The following LTBP2 variants were observed in gnomAD, a reference collection of about 807,000 sequenced individuals.
LTBP2 encodes the protein latent-transforming growth factor beta-binding protein 2.
LTBP2 carries 103 observed loss-of-function variants against 210.6 expected under a neutral mutation model. That is an observed-to-expected ratio of 0.49 (90% CI 0.42 to 0.58). LTBP2 has a LOEUF of 0.58. Ranked by LOEUF, LTBP2 falls within the 20% of genes least tolerant of loss-of-function variation. LTBP2 has a pLI of 0.00. For missense variants in LTBP2, 2,313 were observed against 2,494.5 expected, an observed-to-expected ratio of 0.93 and a Z score of 1.55; for synonymous variants, 1,007 against 1,015.0, an observed-to-expected ratio of 0.99 and a Z score of 0.15.
At chr14:74,507,355 T>C in intron 25 of LTBP2, 45 bp from the exon 26 acceptor site, 1 of 1,612,960 alleles carries the variant, frequency 6.2e-7, no homozygotes. Context: ...GGTGGCCAGG[T>C]CACTGCTGTG....
At chr14:74,501,307 G>T in intron 35 of LTBP2, 134 bp downstream of exon 35, 4 of 1,387,030 alleles carry the variant, frequency 2.9e-6, no homozygotes, top group South Asian at 1.2e-5. Context: ...CCTTCCTTTG[G>T]CGCTTTCTTC....
At chr14:74,508,141 C>T (rs2087015593) in intron 24 of LTBP2, 46 bp from the exon 25 acceptor site, 2 of 1,610,680 alleles carry the variant, frequency 1.2e-6, no homozygotes, top group Non-Finnish European at 8.5e-7. Flanking sequence ...GGGTCCCTTC[C>T]CTGTTAGGGT....
At chr14:74,543,553 C>T (rs10139847) in intron 8 of LTBP2, among the ~76,000 whole-genome samples, 3,470 of 140,700 alleles carry the variant, frequency 0.025, 98 homozygotes, top group South Asian at 0.088. Flanking sequence ...TCCCTCCCTC[C>T]CTTCCTTCCT....
At chr14:74,525,685 A>G (rs2087263056) in intron 14 of LTBP2, among the ~76,000 whole-genome samples, 1 of 152,194 alleles carries the variant, frequency 6.6e-6, no homozygotes, top group South Asian at 2.1e-4. Flanking sequence ...TCAGCCTTCC[A>G]ATGTCTGAAC....
At chr14:74,583,094 C>A (rs1304141107) in intron 3 of LTBP2, among the ~76,000 whole-genome samples, 1 of 152,218 alleles carries the variant, frequency 6.6e-6, no homozygotes, top group Admixed American at 6.5e-5. Flanking sequence ...CTGTAGGGCA[C>A]CCTGCCTGCT....
At chr14:74,543,183 C>T (rs2087531690) in intron 8 of LTBP2, among the ~76,000 whole-genome samples, 1 of 151,664 alleles carries the variant, frequency 6.6e-6, no homozygotes, top group Non-Finnish European at 1.5e-5. Context: ...TTGAGACCAT[C>T]CCAGCTAACA....
chr14:74,549,310 CTGAA>C (rs3080625), intron 8 of LTBP2, among the ~76,000 whole-genome samples: 127,421 of 151,624 alleles, frequency 0.84, 56,178 homozygotes, highest in Non-Finnish European at 0.99. Flanking sequence ...TGAGTATTTG[CTGAA>C]TGAATGAATG....
At chr14:74,528,373 CCA>C (rs1272894353) in intron 12 of LTBP2, 108 bp downstream of exon 12, 6 of 1,265,874 alleles carry the variant, frequency 4.7e-6, no homozygotes, top group Non-Finnish European at 5.7e-6. Context: ...TTTCCTAATG[CCA>C]CAGAGATGGG....
At chr14:74,510,241 G>A in intron 19 of LTBP2, 28 bp from the exon 20 acceptor site, 2 of 1,611,368 alleles carry the variant, frequency 1.2e-6, no homozygotes, top group South Asian at 2.2e-5. Flanking sequence ...AAGACGGTGG[G>A]CTGGCCTCCT....
At chr14:74,510,575 C>G (rs1037078668) in intron 19 of LTBP2, among the ~76,000 whole-genome samples, 2 of 152,244 alleles carry the variant, frequency 1.3e-5, no homozygotes, top group Admixed American at 1.3e-4. Flanking sequence ...GACCTCCTAC[C>G]GGCCAACCAA....
intron 14 of LTBP2, among the ~76,000 whole-genome samples, chr14:74,525,527 C>G (rs2087261468): frequency 6.6e-6 from 1 of 152,228 alleles, no homozygotes; most frequent in African/African-American, 2.4e-5. Flanking sequence ...CCTGGGTTTC[C>G]TAATTCCCAC....
Position 74,502,686 on chromosome 14 carries a change from C to T in LTBP2, c.5137G>A (p.Glu1713Lys), listed in dbSNP as rs1314305975. The T allele has an allele frequency of 4.3e-6, 7 of 1,614,184 alleles. No homozygotes were observed. The highest frequency in any genetic ancestry group is 5.1e-6 in the Non-Finnish European group (6 of 1,180,034). Reference protein sequence around the residue: ...PILESPLQPSELQPHYVASHP... With the variant: ...PILESPLQPSKLQPHYVASHP... ...CTGGCCACGTAGTGGGGCTGGAGTTCTGAGGGCTGCAAAGGAGACTCAAGG... is the reference window on the plus strand; with the variant it reads ...CTGGCCACGTAGTGGGGCTGGAGTTTTGAGGGCTGCAAAGGAGACTCAAGG... Residue 1713 changes from glutamate (E) to lysine (K), a missense_variant, in exon 34 of 36, where the codon GAA becomes AAA. This residue lies in a region of LTBP2 where 443 missense variants were observed against 501.4 expected (regional missense o/e 0.88). Coordinates refer to ENST00000261978, the MANE Select transcript of LTBP2 (RefSeq NM_000428.3).
intron 3 of LTBP2, among the ~76,000 whole-genome samples, chr14:74,566,354 G>A (rs956753497): frequency 6.6e-6 from 1 of 152,184 alleles, no homozygotes; most frequent in African/African-American, 2.4e-5. Context: ...AAGGATCTAG[G>A]AGAAAGCTCC....
intron 18 of LTBP2, among the ~76,000 whole-genome samples, chr14:74,512,083 G>A (rs1486392938): frequency 1.3e-5 from 2 of 152,192 alleles, no homozygotes; most frequent in Non-Finnish European, 2.9e-5. Flanking sequence ...GCAACAGGAA[G>A]AGGAGGGAGC....
In LTBP2 at chr14:74,586,102, CG is replaced by C; in HGVS notation, c.581del (p.Pro194ArgfsTer86). ...GGCTGCAGGAGCCCCGGTTCTGGCA[CG>C]GCGGCTCGCAAACGGCTGAGGACAC... ...NHCIKPVCEP[P>X]CQNRGSCSRP... On this transcript the variant is annotated frameshift_variant, in exon 3 of 36. Transcript: ENST00000261978. LOFTEE classifies it high-confidence loss of function. The surrounding 1 kb of genome is among the most constrained non-coding windows in gnomAD (Gnocchi z 4.6). 1 of 1,596,556 alleles carries C rather than the reference CG, an allele frequency of 6.3e-7. No individual in the cohort carries two copies. The highest frequency in any genetic ancestry group is 8.5e-7 in the Non-Finnish European group (1 of 1,172,212).
At chr14:74,572,138 A>G (rs10150950) in intron 3 of LTBP2, among the ~76,000 whole-genome samples, 82,742 of 152,014 alleles carry the variant, frequency 0.54, 23,197 homozygotes, top group African/African-American at 0.61. Context: ...CAGACAGACG[A>G]ATACACCCCT....
Position 74,510,222 on chromosome 14 carries a change from G to A in LTBP2, c.3029-9C>T, listed in dbSNP as rs775751236. ...CAGACACTCATTCACATCTGTGGGA[G>A]AGAAGTCCAAGACGGTGGGCTGGCC... On this transcript the variant is annotated splice_polypyrimidine_tract_variant and intron_variant, in intron 19 of 35. Transcript: ENST00000261978. 6.2e-7 allele frequency: 1 copy of A among 1,613,286 alleles called. No homozygotes were observed. The highest frequency in any genetic ancestry group is 8.5e-7 in the Non-Finnish European group (1 of 1,179,984).
chr14:74,606,961 G>A lies in LTBP2; in HGVS notation c.495-3256C>T, dbSNP rs140751703. ...TACTGCCTGTCTCAGGTCATTGGTT[G>A]TATCTCAGTCTTGGGTATCTAGAGG... On this transcript the variant is annotated intron_variant, in intron 1 of 35. Coordinates refer to ENST00000261978, the MANE Select transcript of LTBP2 (RefSeq NM_000428.3). Among the ~76,000 whole-genome samples the A allele has an allele frequency of 2.0e-5, 3 of 152,010 alleles. No individual in the cohort carries two copies. The South Asian group carries it at 6.2e-4, about 32-fold the overall frequency.
chr14:74,536,422 C>T (rs529496008), intron 8 of LTBP2, among the ~76,000 whole-genome samples: 5 of 152,200 alleles, frequency 3.3e-5, no homozygotes, highest in Non-Finnish European at 1.5e-5. Flanking sequence ...TGGTTAATAA[C>T]AGTGTCTTGT....
Sources: allele counts gnomAD v4.1 joint callset (sites outside exome capture counted in the v4.1 genomes callset), GRCh38; gene constraint gnomAD v4.1.1; regional missense constraint gnomAD v4.1.1; non-coding constraint Gnocchi (gnomAD v3.1); transcripts MANE v1.5; gene names NCBI Gene and HGNC (gene_info 2026-07-23, HGNC 2026-07-21).